The following PABPC4L variants were observed in gnomAD, a reference collection of about 807,000 sequenced individuals.
The protein encoded by PABPC4L is polyadenylate-binding protein 4-like.
For synonymous variants in PABPC4L, 169 were observed against 164.1 expected (o/e 1.03, Z -0.23); for missense variants, 452 against 451.4 (o/e 1.00, Z -0.01).
the PABPC4L span, among the ~76,000 whole-genome samples, chr4:134,063,374 T>C: frequency 6.6e-6 from 1 of 152,058 alleles, no homozygotes; most frequent in East Asian, 1.9e-4. Context: ...GTTCTCTTTA[T>C]AATTTCATAA....
chr4:134,124,986 T>C, the PABPC4L span, among the ~76,000 whole-genome samples: 1 of 152,194 alleles, frequency 6.6e-6, no homozygotes, highest in East Asian at 1.9e-4. Context: ...AATATATTAT[T>C]GAAGACCACA....
the PABPC4L span, among the ~76,000 whole-genome samples, chr4:134,023,444 T>G: frequency 3.9e-5 from 6 of 152,282 alleles, no homozygotes; most frequent in East Asian, 9.6e-4. Flanking sequence ...TTACAGCAGT[T>G]CCTGATCTGG....
At chr4:134,028,295 G>C in the PABPC4L span, among the ~76,000 whole-genome samples, 1 of 151,944 alleles carries the variant, frequency 6.6e-6, no homozygotes, top group Non-Finnish European at 1.5e-5. Flanking sequence ...CAAAAAGATC[G>C]ACCTTATCAT....
the PABPC4L span, among the ~76,000 whole-genome samples, chr4:134,182,000 TAA>T: frequency 3.0e-5 from 4 of 133,914 alleles, no homozygotes; most frequent in Non-Finnish European, 3.3e-5. Flanking sequence ...TTCACAGAAG[TAA>T]AAAAAAAAAA....
At chr4:133,982,699 A>G in the PABPC4L span, among the ~76,000 whole-genome samples, 1 of 152,006 alleles carries the variant, frequency 6.6e-6, no homozygotes, top group African/African-American at 2.4e-5. Context: ...TCAATCCACA[A>G]GCAAGCAAAA....
the PABPC4L span, among the ~76,000 whole-genome samples, chr4:134,129,293 A>G: frequency 2.6e-5 from 4 of 152,142 alleles, no homozygotes; most frequent in Non-Finnish European, 4.4e-5. Context: ...CAAAGAAAGA[A>G]TAGACTTAGA....
At chr4:133,959,649 C>A in the PABPC4L span, among the ~76,000 whole-genome samples, 2 of 152,132 alleles carry the variant, frequency 1.3e-5, no homozygotes, top group African/African-American at 2.4e-5. Flanking sequence ...GTTATAAGCG[C>A]AATGAAGAGA....
chr4:134,029,896 G>A, the PABPC4L span, among the ~76,000 whole-genome samples: 3 of 152,084 alleles, frequency 2.0e-5, no homozygotes, highest in South Asian at 4.1e-4. Flanking sequence ...GAATCATGGG[G>A]ACAGTTGACC....
At chr4:134,071,472 A>C in the PABPC4L span, among the ~76,000 whole-genome samples, 1 of 152,058 alleles carries the variant, frequency 6.6e-6, no homozygotes, top group Non-Finnish European at 1.5e-5. Context: ...ATCCAAACAC[A>C]AGTTATTAAA....
chr4:134,158,833 A>G, the PABPC4L span, among the ~76,000 whole-genome samples: 1 of 152,168 alleles, frequency 6.6e-6, no homozygotes, highest in Admixed American at 6.5e-5. Context: ...GGGATATTAT[A>G]GAGTGCATTT....
chr4:134,106,301 T>C, the PABPC4L span, among the ~76,000 whole-genome samples: 1 of 151,750 alleles, frequency 6.6e-6, no homozygotes, highest in South Asian at 2.1e-4. Flanking sequence ...TACACAAAAT[T>C]CATAAATACA....
the PABPC4L span, among the ~76,000 whole-genome samples, chr4:134,148,562 C>A: frequency 6.6e-6 from 1 of 152,188 alleles, no homozygotes; most frequent in African/African-American, 2.4e-5. Flanking sequence ...ATTATACTTT[C>A]ATGCCTGAAG....
At chr4:134,065,087 T>C in the PABPC4L span, among the ~76,000 whole-genome samples, 1 of 152,054 alleles carries the variant, frequency 6.6e-6, no homozygotes, top group Non-Finnish European at 1.5e-5. Flanking sequence ...GATAGAACAA[T>C]TTATATTCCT....
chr4:133,985,722 G>A, the PABPC4L span, among the ~76,000 whole-genome samples: 2 of 151,890 alleles, frequency 1.3e-5, no homozygotes, highest in Non-Finnish European at 2.9e-5. Flanking sequence ...TTTGGGGTTT[G>A]TTTTTGTTTT....
At chr4:134,174,421 C>T in the PABPC4L span, among the ~76,000 whole-genome samples, 1 of 151,934 alleles carries the variant, frequency 6.6e-6, no homozygotes, top group African/African-American at 2.4e-5. Context: ...ACTTTTACAC[C>T]ACTGCCAGGA....
At chr4:134,003,474 G>T in the PABPC4L span, among the ~76,000 whole-genome samples, 1 of 151,606 alleles carries the variant, frequency 6.6e-6, no homozygotes, top group African/African-American at 2.4e-5. Flanking sequence ...TGCATTTCCT[G>T]ACTATAAAAC....
the PABPC4L span, among the ~76,000 whole-genome samples, chr4:133,982,102 G>T: frequency 6.6e-6 from 1 of 151,940 alleles, no homozygotes; most frequent in Admixed American, 6.6e-5. Flanking sequence ...CAAAAACCTT[G>T]TAAAATATAA....
At chr4:134,072,702 T>G in the PABPC4L span, among the ~76,000 whole-genome samples, 1 of 152,148 alleles carries the variant, frequency 6.6e-6, no homozygotes, top group Admixed American at 6.5e-5. Flanking sequence ...GGGTAATTTA[T>G]AAAGGAAAGA....
At chr4:134,090,156 A>C in the PABPC4L span, among the ~76,000 whole-genome samples, 1 of 152,072 alleles carries the variant, frequency 6.6e-6, no homozygotes, top group East Asian at 1.9e-4. Flanking sequence ...TGACTCCCAT[A>C]AGTCTCCTGA....
Sources: allele counts gnomAD v4.1 joint callset (sites outside exome capture counted in the v4.1 genomes callset), GRCh38; gene constraint gnomAD v4.1.1; transcripts MANE v1.5; gene names NCBI Gene and HGNC (gene_info 2026-07-23, HGNC 2026-07-21).